The following TJP3 variants were observed in gnomAD, a reference collection of about 807,000 sequenced individuals.
TJP3 encodes the protein tight junction protein ZO-3.
In TJP3, 85 loss-of-function variants were observed where a neutral mutation model predicts 104.2. The observed-to-expected ratio is 0.82, with a 90% CI of 0.68 to 0.98. TJP3 has a LOEUF of 0.98. TJP3 is among the 50% of genes least tolerant of loss of function. The pLI, the probability that TJP3 is intolerant of heterozygous loss-of-function variation, is 0.00. For missense variants in TJP3, 1,367 were observed against 1,322.8 expected, an observed-to-expected ratio of 1.03 and a Z score of -0.52; for synonymous variants, 550 against 550.6, an observed-to-expected ratio of 1.00 and a Z score of 0.02.
chr19:3,737,268 G>A (rs2036750070), intron 11 of TJP3, among the ~76,000 whole-genome samples: 2 of 152,124 alleles, frequency 1.3e-5, no homozygotes, highest in Admixed American at 6.5e-5. Flanking sequence ...TGTTATCAAT[G>A]TCAGGACTTT....
chr19:3,730,084 C>T lies in TJP3; in HGVS notation c.215C>T (p.Ala72Val), dbSNP rs144764205. Residue 72 changes from alanine (A) to valine (V), a missense_variant, in exon 4 of 21, where the codon GCG becomes GTG. Ala to Val is a moderately conservative substitution (Grantham distance 64). Transcript: ENST00000541714. The surrounding 1 kb of genome is among the most constrained non-coding windows in gnomAD (Gnocchi z 7.3). ...GTTTCCATGGAGAATGCCACCTCCG[C>T]GTTTGCCATTCAGATACTCAAGACC... is the stretch of plus-strand genomic sequence containing the variant. ...NGVSMENATS[A>V]FAIQILKTCT... 18 of 1,614,028 alleles carry T rather than the reference C, an allele frequency of 1.1e-5. No homozygotes were observed. The highest frequency in any genetic ancestry group is 5.3e-5 in the African/African-American group (4 of 74,920).
rs764480405 is a variant in TJP3 at position 3,730,571 on chromosome 19, C to G, written c.478C>G (p.His160Asp). The G allele has an allele frequency of 5.0e-6, 8 of 1,608,412 alleles. No individual in the cohort carries two copies. Among genetic ancestry groups the G allele is most frequent in the Non-Finnish European group, 6.8e-6 (8 of 1,179,148 alleles). ...RPGRRGRAGS[H>D]GRRSPGGGSE... ...TGGTCGCCGGGGCCGGGCCGGCAGC[C>G]ATGGGCGTAGGAGCCCAGGTGGTGG... Residue 160 changes from histidine (H) to aspartate (D), a missense_variant, in exon 5 of 21, where the codon CAT becomes GAT. Transcript: ENST00000541714. This position sits in a 1 kb window ranked among gnomAD's most constrained non-coding sequence, Gnocchi z 7.3.
intron 1 of TJP3, among the ~76,000 whole-genome samples, chr19:3,719,770 A>G (rs2036525850): frequency 6.6e-6 from 1 of 151,788 alleles, no homozygotes. Context: ...GAAGACATAT[A>G]ACCTTCATGC....
chr19:3,719,623 C>T (rs1344286194), intron 1 of TJP3, among the ~76,000 whole-genome samples: 1 of 150,930 alleles, frequency 6.6e-6, no homozygotes, highest in Non-Finnish European at 1.5e-5. Flanking sequence ...GTAGTCCCAG[C>T]TACTCGGGAG....
chr19:3,736,268 G>T lies in TJP3; in HGVS notation c.1231G>T (p.Ala411Ser). Reference protein sequence around the residue: ...DVGIFVSGVQAGSPADGQGIQ... With the variant: ...DVGIFVSGVQSGSPADGQGIQ... The stretch of plus-strand genomic sequence containing the variant: ...GGGCATCTTCGTGTCCGGGGTGCAG[G>T]CGGGCAGCCCGGCCGACGGGCAGGG... The change falls in exon 11 of 21, where the codon GCG becomes TCG. Residue 411 changes from alanine (A) to serine (S), a missense_variant. Transcript: ENST00000541714. 6.5e-7 allele frequency: 1 copy of T among 1,548,440 alleles called. No individual in the cohort carries two copies. The highest frequency in any genetic ancestry group is 8.7e-7 in the Non-Finnish European group (1 of 1,150,300).
intron 14 of TJP3, among the ~76,000 whole-genome samples, chr19:3,741,230 T>G (rs1305469821): frequency 2.6e-5 from 4 of 151,930 alleles, no homozygotes; most frequent in Non-Finnish European, 5.9e-5. Context: ...CTTGAACTCG[T>G]GACCTCACGA....
At chr19:3,727,491 A>G (rs2036613068) in intron 1 of TJP3, among the ~76,000 whole-genome samples, 1 of 151,106 alleles carries the variant, frequency 6.6e-6, no homozygotes, top group Admixed American at 6.6e-5. Context: ...CTCAAAAAAA[A>G]AAAAAAAAAA....
intron 11 of TJP3, among the ~76,000 whole-genome samples, chr19:3,736,691 T>C (rs1288275982): frequency 6.6e-6 from 1 of 151,854 alleles, no homozygotes; most frequent in East Asian, 1.9e-4. Context: ...TTCTTCTGCC[T>C]CACCTCCTGA....
At chr19:3,713,829 C>T (rs946518027) in intron 1 of TJP3, among the ~76,000 whole-genome samples, 1 of 151,532 alleles carries the variant, frequency 6.6e-6, no homozygotes, top group Non-Finnish European at 1.5e-5. Flanking sequence ...GATTCTCCTG[C>T]CTCAGCCTCC....
intron 1 of TJP3, among the ~76,000 whole-genome samples, chr19:3,722,453 C>T (rs2036550569): frequency 6.6e-6 from 1 of 151,826 alleles, no homozygotes; most frequent in South Asian, 2.1e-4. Flanking sequence ...CATTCACCTC[C>T]TACAAGGCTG....
chr19:3,709,756 C>A (rs965354119), intron 1 of TJP3, among the ~76,000 whole-genome samples: 14 of 152,234 alleles, frequency 9.2e-5, no homozygotes, highest in African/African-American at 2.6e-4. Flanking sequence ...CGACATGGAT[C>A]CCACCTTGCC....
chr19:3,724,196 T>C (rs1178823675), intron 1 of TJP3, among the ~76,000 whole-genome samples: 1 of 151,378 alleles, frequency 6.6e-6, no homozygotes, highest in Non-Finnish European at 1.5e-5. Context: ...TCCCTGGGGC[T>C]GTCTCTTTTT....
chr19:3,709,252 T>A (rs2036411833), intron 1 of TJP3, among the ~76,000 whole-genome samples: 1 of 152,000 alleles, frequency 6.6e-6, no homozygotes, highest in African/African-American at 2.4e-5. Context: ...CCCACCACTA[T>A]GCCCAGCTAA....
chr19:3,750,075 AT>A, intron 19 of TJP3, 62 bp from the exon 20 acceptor site: 1 of 1,608,464 alleles, frequency 6.2e-7, no homozygotes, highest in Non-Finnish European at 8.5e-7. Flanking sequence ...GGAGGTGGTT[AT>A]TGATCTCGAC....
chr19:3,739,832 GTCTC>G (rs1449736400), intron 13 of TJP3, among the ~76,000 whole-genome samples: 7 of 152,054 alleles, frequency 4.6e-5, no homozygotes, highest in African/African-American at 7.2e-5. Context: ...GCCTCTTCTA[GTCTC>G]TCTCTGACTC....
chr19:3,738,408 C>T (rs963344842), intron 11 of TJP3, 147 bp from the exon 12 acceptor site: 9 of 636,398 alleles, frequency 1.4e-5, no homozygotes, highest in East Asian at 5.4e-5. Context: ...ATACCCCAGT[C>T]GGAAAGCCCT....
intron 1 of TJP3, among the ~76,000 whole-genome samples, chr19:3,711,350 C>G (rs530991818): frequency 8.7e-6 from 1 of 115,280 alleles, no homozygotes; most frequent in Non-Finnish European, 1.8e-5. Context: ...AGGCGCCCAC[C>G]ACCACGCCCA....
chr19:3,736,257 C>T lies in TJP3; in HGVS notation c.1220C>T (p.Ser407Phe), dbSNP rs138076745. The change falls in exon 11 of 21, where the codon TCC (serine) becomes TTC (phenylalanine). Residue 407 changes from serine (S) to phenylalanine (F), a missense_variant. By Grantham distance (155) the Ser-to-Phe change is radical (BLOSUM62 -2). Coordinates refer to ENST00000541714, the MANE Select transcript of TJP3 (RefSeq NM_001267560.2). ...AGGNDVGIFV[S>F]GVQAGSPADG... ...GGCAATGACGTGGGCATCTTCGTGT[C>T]CGGGGTGCAGGCGGGCAGCCCGGCC... 242 of 1,561,410 alleles carry T rather than the reference C, an allele frequency of 1.5e-4. No individual in the cohort carries two copies. The African/African-American group carries it at 3.1e-3, about 20-fold the overall frequency.
intron 14 of TJP3, among the ~76,000 whole-genome samples, chr19:3,742,838 C>T (rs545452309): frequency 9.9e-5 from 15 of 151,420 alleles, no homozygotes; most frequent in Admixed American, 2.6e-4. Flanking sequence ...TGGTGGTGGG[C>T]GCCTCTAATC....
Sources: allele counts gnomAD v4.1 joint callset (sites outside exome capture counted in the v4.1 genomes callset), GRCh38; gene constraint gnomAD v4.1.1; non-coding constraint Gnocchi (gnomAD v3.1); transcripts MANE v1.5; gene names NCBI Gene and HGNC (gene_info 2026-07-23, HGNC 2026-07-21).